The following PLCB4 variants were observed in gnomAD, a reference collection of about 807,000 sequenced individuals.
The protein encoded by PLCB4 is 1-phosphatidylinositol 4,5-bisphosphate phosphodiesterase beta-4.
Under a neutral mutation model 178.8 loss-of-function variants are expected in PLCB4, and 77 were observed. The observed-to-expected ratio is 0.43, with a 90% CI of 0.36 to 0.52. PLCB4 has a LOEUF of 0.52. Ranked by LOEUF, PLCB4 falls within the 20% of genes least tolerant of loss-of-function variation. PLCB4 has a pLI of 0.00. For synonymous variants in PLCB4, 496 were observed against 490.8 expected (o/e 1.01, Z -0.14); for missense variants, 1,024 against 1,453.4 (o/e 0.70, Z 4.80).
intron 4 of PLCB4, among the ~76,000 whole-genome samples, chr20:9,314,282 A>C (rs1226397259): frequency 2.6e-5 from 4 of 152,200 alleles, no homozygotes; most frequent in African/African-American, 9.6e-5. Flanking sequence ...TCAGTTCTGG[A>C]TGACCAGTGA....
intron 3 of PLCB4, among the ~76,000 whole-genome samples, chr20:9,263,288 T>A (rs1334464459): frequency 6.6e-6 from 1 of 152,064 alleles, no homozygotes; most frequent in Non-Finnish European, 1.5e-5. Context: ...GGGCTGGAGT[T>A]CTCTAAAATT....
chr20:9,109,311 G>A (rs913231023), intron 2 of PLCB4, among the ~76,000 whole-genome samples: 2 of 152,024 alleles, frequency 1.3e-5, no homozygotes, highest in African/African-American at 4.8e-5. Flanking sequence ...CACACTTCTG[G>A]TCCTTTCTCT....
At chr20:9,256,729 A>G (rs1285637533) in intron 3 of PLCB4, among the ~76,000 whole-genome samples, 1 of 152,222 alleles carries the variant, frequency 6.6e-6, no homozygotes. Flanking sequence ...CTTGTTTTCC[A>G]TCTGAGTTGG....
intron 4 of PLCB4, among the ~76,000 whole-genome samples, chr20:9,332,122 G>T (rs2031764664): frequency 6.6e-6 from 1 of 152,146 alleles, no homozygotes; most frequent in African/African-American, 2.4e-5. Context: ...TTCTTTACCA[G>T]AAAATTCTGT....
At chr20:9,263,522 G>A (rs913584067) in intron 3 of PLCB4, among the ~76,000 whole-genome samples, 14 of 152,232 alleles carry the variant, frequency 9.2e-5, no homozygotes, top group Admixed American at 2.6e-4. Context: ...TTAGAGTCGC[G>A]TGGTAACAAG....
intron 3 of PLCB4, among the ~76,000 whole-genome samples, chr20:9,299,691 G>A (rs931588050): frequency 2.4e-4 from 37 of 151,896 alleles, no homozygotes; most frequent in African/African-American, 8.0e-4. Context: ...ACTAGAGTGT[G>A]TTTAATCAAT....
intron 14 of PLCB4, among the ~76,000 whole-genome samples, chr20:9,386,106 A>G (rs2037629011): frequency 6.6e-6 from 1 of 152,152 alleles, no homozygotes; most frequent in Non-Finnish European, 1.5e-5. Context: ...TAGAAAAACC[A>G]GTCAGGCGTG....
At chr20:9,275,892 T>C (rs1385067214) in intron 3 of PLCB4, among the ~76,000 whole-genome samples, 1 of 152,082 alleles carries the variant, frequency 6.6e-6, no homozygotes, top group African/African-American at 2.4e-5. Flanking sequence ...TTATTGACCA[T>C]ACTTGTCCAG....
At chr20:9,318,567 A>T (rs2147943005) in intron 4 of PLCB4, among the ~76,000 whole-genome samples, 1 of 152,342 alleles carries the variant, frequency 6.6e-6, no homozygotes, top group Non-Finnish European at 1.5e-5. Flanking sequence ...TCTGCACCTT[A>T]GCAGGACTCA....
At chr20:9,378,570 T>C (rs188605497) in intron 12 of PLCB4, among the ~76,000 whole-genome samples, 74 of 152,284 alleles carry the variant, frequency 4.9e-4, no homozygotes, top group Non-Finnish European at 9.0e-4. Flanking sequence ...TGGCATTCCA[T>C]GGTCCACCTC....
At chr20:9,422,214 G>T (rs371612863) in intron 27 of PLCB4, among the ~76,000 whole-genome samples, 52 of 152,258 alleles carry the variant, frequency 3.4e-4, no homozygotes, top group African/African-American at 1.2e-3. Context: ...TGCTCCATTT[G>T]TACATCATGC....
At chr20:9,202,090 T>A (rs1191863842) in intron 2 of PLCB4, among the ~76,000 whole-genome samples, 1 of 152,206 alleles carries the variant, frequency 6.6e-6, no homozygotes, top group African/African-American at 2.4e-5. Context: ...CCAACACAGA[T>A]GAATCCCAAA....
chr20:9,316,307 G>A (rs1398798036), intron 4 of PLCB4, among the ~76,000 whole-genome samples: 4 of 152,120 alleles, frequency 2.6e-5, no homozygotes, highest in East Asian at 1.9e-4. Context: ...AAGGAAGTCC[G>A]GTGCACACTT....
chr20:9,267,556 T>A (rs1232883614), intron 3 of PLCB4, among the ~76,000 whole-genome samples: 1 of 151,986 alleles, frequency 6.6e-6, no homozygotes, highest in Non-Finnish European at 1.5e-5. Flanking sequence ...AGGTTATTTT[T>A]CTCTCTAGAA....
chr20:9,476,737 A>C lies in PLCB4; in HGVS notation c.3516A>C (p.Ala1172=), dbSNP rs553705037. 11 of 1,610,330 alleles carry C rather than the reference A, an allele frequency of 6.8e-6. No homozygotes were observed. Among genetic ancestry groups the C allele is most frequent in the Non-Finnish European group, 9.3e-6 (11 of 1,176,646 alleles). The change falls in exon 39 of 40, where the codon GCA becomes GCC. Residue 1172 remains alanine, a synonymous_variant. Transcript: ENST00000378473. Reference sequence around the variant, plus strand: ...AACAGCTTTTGAAATCCTGTCATGCAGTGTCCCAAACGCAAGGTAGGACCG... The same window carrying C: ...AACAGCTTTTGAAATCCTGTCATGCCGTGTCCCAAACGCAAGGTAGGACCG... ...QNEQLLKSCH[A]VSQTQGEGDA...
intron 35 of PLCB4, among the ~76,000 whole-genome samples, chr20:9,465,319 C>T (rs945510584): frequency 3.9e-5 from 6 of 152,170 alleles, no homozygotes; most frequent in African/African-American, 1.2e-4. Flanking sequence ...AAACCCACAG[C>T]CAATGTCATA....
intron 1 of PLCB4, among the ~76,000 whole-genome samples, 172 bp downstream of exon 1, chr20:9,069,378 A>G (rs902877662): frequency 6.6e-6 from 1 of 152,044 alleles, no homozygotes; most frequent in Non-Finnish European, 1.5e-5. Flanking sequence ...CGCGGGAGGC[A>G]GGGGACCCAG....
At chr20:9,331,253 C>G (rs1372631265) in intron 4 of PLCB4, among the ~76,000 whole-genome samples, 2 of 152,120 alleles carry the variant, frequency 1.3e-5, no homozygotes, top group Non-Finnish European at 2.9e-5. Flanking sequence ...TCTCTACGTC[C>G]TAATGTATCT....
chr20:9,245,890 C>G lies in PLCB4; in HGVS notation c.-16+28438C>G, dbSNP rs191936418. On this transcript the variant is annotated intron_variant, in intron 3 of 39. Transcript: ENST00000378473. Reference sequence around the variant, plus strand: ...CTCGTGATCCATCCGCCTCAGCCTCCCAAAGTGCTAGGATTACAGGTGTGA... The same window carrying G: ...CTCGTGATCCATCCGCCTCAGCCTCGCAAAGTGCTAGGATTACAGGTGTGA... Among the ~76,000 whole-genome samples, 4 of 152,136 alleles carry G rather than the reference C, an allele frequency of 2.6e-5. No individual in the cohort carries two copies. In the South Asian group the frequency reaches 8.3e-4, roughly 32 times the overall value.
Sources: allele counts gnomAD v4.1 joint callset (sites outside exome capture counted in the v4.1 genomes callset), GRCh38; gene constraint gnomAD v4.1.1; transcripts MANE v1.5; gene names NCBI Gene and HGNC (gene_info 2026-07-23, HGNC 2026-07-21).